Variants in NNMT observed in about 807,000 individuals in gnomAD.
NNMT encodes nicotinamide N-methyltransferase.
NNMT carries 10 observed loss-of-function variants against 11.7 expected under a neutral mutation model. That is an observed-to-expected ratio of 0.85 (90% confidence interval 0.53 to 1.45). The LOEUF (loss-of-function observed/expected upper bound fraction) is 1.45. Among genes scored for constraint, NNMT ranks in the 40% most tolerant of loss-of-function variants. The pLI is 0.00. For synonymous variants in NNMT, 143 were observed against 133.8 expected (o/e 1.07, Z -0.48); for missense variants, 381 against 319.4 (o/e 1.19, Z -1.47).
chr11:114,308,487 G>A (rs569791247), intron 2 of NNMT, among the ~76,000 whole-genome samples: 7 of 152,192 alleles, frequency 4.6e-5, no homozygotes, highest in Admixed American at 1.3e-4. Context: ...GGTTCTTCCC[G>A]GGGCCCTCCT....
intron 2 of NNMT, among the ~76,000 whole-genome samples, chr11:114,276,374 T>C (rs1017218039): frequency 1.3e-5 from 2 of 152,140 alleles, no homozygotes; most frequent in Admixed American, 6.6e-5. Context: ...AGATGTTCTC[T>C]GTGGCCCGGC....
At chr11:114,277,876 G>T (rs1326325643) in intron 2 of NNMT, among the ~76,000 whole-genome samples, 5 of 152,146 alleles carry the variant, frequency 3.3e-5, no homozygotes, top group Non-Finnish European at 4.4e-5. Context: ...GCCCAGGGTT[G>T]GTCCTCATGC....
chr11:114,297,001 CCA>C (rs1455034535), intron 1 of NNMT, among the ~76,000 whole-genome samples: 1 of 152,134 alleles, frequency 6.6e-6, no homozygotes, highest in Non-Finnish European at 1.5e-5. Context: ...CCTCAAAGGG[CCA>C]CTTAAGTGGA....
At chr11:114,274,610 GA>G (rs1945200855) in intron 2 of NNMT, among the ~76,000 whole-genome samples, 1 of 152,222 alleles carries the variant, frequency 6.6e-6, no homozygotes, top group Admixed American at 6.5e-5. Flanking sequence ...TGGAGACTAA[GA>G]AAGAAGGATG....
chr11:114,307,824 T>C (rs1233614995), intron 2 of NNMT, among the ~76,000 whole-genome samples: 2 of 151,840 alleles, frequency 1.3e-5, no homozygotes, highest in South Asian at 2.1e-4. Flanking sequence ...CCTACGTATT[T>C]ATCCTCTATA....
chr11:114,272,394 G>A (rs150446902), intron 2 of NNMT, among the ~76,000 whole-genome samples: 25 of 152,310 alleles, frequency 1.6e-4, no homozygotes, highest in African/African-American at 5.5e-4. Flanking sequence ...TAAATCAGGT[G>A]CAGCTCTACT....
chr11:114,271,803 T>G (rs1303172402), intron 2 of NNMT, among the ~76,000 whole-genome samples: 1 of 152,200 alleles, frequency 6.6e-6, no homozygotes, highest in East Asian at 1.9e-4. Context: ...TCACAGCTCC[T>G]GGGGGTTCAC....
chr11:114,285,298 C>T (rs957162765), intron 2 of NNMT, among the ~76,000 whole-genome samples: 1 of 152,176 alleles, frequency 6.6e-6, no homozygotes, highest in Non-Finnish European at 1.5e-5. Context: ...ACCCAAAGCT[C>T]TACGAGAGGG....
upstream of NNMT, among the ~76,000 whole-genome samples, chr11:114,293,355 C>T (rs1322727899): frequency 6.6e-6 from 1 of 152,098 alleles, no homozygotes; most frequent in Non-Finnish European, 1.5e-5. Flanking sequence ...TCCCTTTCCC[C>T]ACCCCAACAC....
At chr11:114,299,192 G>T (rs1358740924) in intron 2 of NNMT, among the ~76,000 whole-genome samples, 1 of 152,106 alleles carries the variant, frequency 6.6e-6, no homozygotes, top group Non-Finnish European at 1.5e-5. Context: ...GCAGACCTCT[G>T]TGCCTTATTC....
intron 2 of NNMT, among the ~76,000 whole-genome samples, chr11:114,283,718 T>C (rs1945277963): frequency 6.6e-6 from 1 of 152,236 alleles, no homozygotes; most frequent in Non-Finnish European, 1.5e-5. Flanking sequence ...TATTCTGCCT[T>C]TGTTGCTTTT....
chr11:114,299,026 G>A (rs1048476328), intron 2 of NNMT, among the ~76,000 whole-genome samples: 4 of 152,154 alleles, frequency 2.6e-5, no homozygotes, highest in African/African-American at 7.2e-5. Flanking sequence ...AGACTTCTTT[G>A]CAAGCTGCAT....
intron 2 of NNMT, among the ~76,000 whole-genome samples, chr11:114,288,339 G>A (rs7945987): frequency 5.3e-5 from 8 of 152,036 alleles, no homozygotes; most frequent in African/African-American, 7.2e-5. Context: ...TGTTTGTTGA[G>A]GTTTTTGTAG....
At chr11:114,287,865 T>C (rs1272820013) in intron 2 of NNMT, among the ~76,000 whole-genome samples, 1 of 152,192 alleles carries the variant, frequency 6.6e-6, no homozygotes, top group East Asian at 1.9e-4. Flanking sequence ...CCCCCATCCA[T>C]GAAGTGGCGT....
chr11:114,284,919 A>T (rs1435442720), intron 2 of NNMT, among the ~76,000 whole-genome samples: 1 of 151,562 alleles, frequency 6.6e-6, no homozygotes, highest in African/African-American at 2.4e-5. Context: ...ACAGGTGCAT[A>T]CCACCATGAC....
intron 2 of NNMT, among the ~76,000 whole-genome samples, chr11:114,276,618 A>G (rs1945215349): frequency 6.6e-6 from 1 of 152,194 alleles, no homozygotes; most frequent in Non-Finnish European, 1.5e-5. Flanking sequence ...GGAGGGAGAG[A>G]AAGAATTAGA....
At chr11:114,265,976 G>T (rs1945116832) in intron 2 of NNMT, among the ~76,000 whole-genome samples, 1 of 152,192 alleles carries the variant, frequency 6.6e-6, no homozygotes, top group East Asian at 1.9e-4. Context: ...GAGTCTCTTT[G>T]TAAGAGAATT....
chr11:114,310,938 T>C (rs868841629), intron 2 of NNMT, among the ~76,000 whole-genome samples: 4 of 152,188 alleles, frequency 2.6e-5, no homozygotes, highest in Non-Finnish European at 5.9e-5. Context: ...CTTCCTCCTT[T>C]AACAAATTCA....
At chr11:114,260,400 C>T (rs531232319) in intron 1 of NNMT, among the ~76,000 whole-genome samples, 1 of 152,356 alleles carries the variant, frequency 6.6e-6, no homozygotes, top group African/African-American at 2.4e-5. Flanking sequence ...GCCTCATTCA[C>T]CTGCTTGTCC....
Sources: gnomAD v4.1 joint callset for allele counts (sites outside exome capture counted in the v4.1 genomes callset) on GRCh38, gnomAD v4.1.1 for gene constraint, MANE v1.5 for transcripts, NCBI Gene and HGNC (gene_info 2026-07-23, HGNC 2026-07-21) for gene names.